The following GRIN2B variants were observed in gnomAD, a reference collection of about 807,000 sequenced individuals.
GRIN2B encodes glutamate receptor ionotropic, NMDA 2B.
GRIN2B carries 5 observed loss-of-function variants against 114.5 expected under a neutral mutation model. The ratio of observed to expected loss-of-function variants is 0.04; its 90% CI spans 0.02 to 0.09. GRIN2B has a LOEUF of 0.09. Among genes scored for constraint, GRIN2B ranks in the 10% least tolerant of loss-of-function variants. The pLI is 1.00. For synonymous variants in GRIN2B, 787 were observed against 745.1 expected, an observed-to-expected ratio of 1.06 and a Z score of -0.92; for missense variants, 1,108 against 1,943.5, an observed-to-expected ratio of 0.57 and a Z score of 8.08.
intron 11 of GRIN2B, among the ~76,000 whole-genome samples, chr12:13,570,660 T>C (rs1401742108): frequency 7.5e-6 from 1 of 134,144 alleles, no homozygotes; most frequent in Non-Finnish European, 1.8e-5. Context: ...TATAAGAACT[T>C]CATTTTATGT....
intron 5 of GRIN2B, among the ~76,000 whole-genome samples, chr12:13,629,372 C>A (rs1949599038): frequency 6.6e-6 from 1 of 152,084 alleles, no homozygotes; most frequent in Non-Finnish European, 1.5e-5. Flanking sequence ...TAGAAAGGAT[C>A]CTACCTTGAC....
At chr12:13,920,934 C>T (rs144107088) in intron 2 of GRIN2B, among the ~76,000 whole-genome samples, 81 of 152,240 alleles carry the variant, frequency 5.3e-4, no homozygotes, top group Admixed American at 1.2e-3. Flanking sequence ...CCCCATGGTT[C>T]TCAAGTTGCA....
At chr12:13,811,831 T>A (rs563252268) in intron 3 of GRIN2B, among the ~76,000 whole-genome samples, 47 of 152,202 alleles carry the variant, frequency 3.1e-4, no homozygotes, top group Non-Finnish European at 5.0e-4. Flanking sequence ...CACGGAGATC[T>A]TCTTTTAACG....
intron 2 of GRIN2B, among the ~76,000 whole-genome samples, chr12:13,967,186 T>A (rs570322131): frequency 6.6e-6 from 1 of 152,298 alleles, no homozygotes; most frequent in Admixed American, 6.5e-5. Flanking sequence ...AATGAGCACA[T>A]CAGAAGAAAG....
At chr12:13,612,997 A>G (rs1565476489) in intron 8 of GRIN2B, among the ~76,000 whole-genome samples, 1 of 152,246 alleles carries the variant, frequency 6.6e-6, no homozygotes, top group South Asian at 2.1e-4. Flanking sequence ...CTACTTTGTT[A>G]TTGAACTCCC....
At chr12:13,926,886 G>A (rs998526515) in intron 2 of GRIN2B, among the ~76,000 whole-genome samples, 2 of 151,578 alleles carry the variant, frequency 1.3e-5, no homozygotes, top group African/African-American at 4.9e-5. Flanking sequence ...CCAGGAGGTG[G>A]AGCTTGCAGT....
intron 2 of GRIN2B, among the ~76,000 whole-genome samples, chr12:13,870,192 G>A (rs1278196621): frequency 1.3e-5 from 2 of 152,130 alleles, no homozygotes; most frequent in African/African-American, 4.8e-5. Context: ...CGGGGTAGCA[G>A]CGACCTCCAC....
chr12:13,767,900 G>T (rs754367988), intron 3 of GRIN2B, among the ~76,000 whole-genome samples: 1 of 152,052 alleles, frequency 6.6e-6, no homozygotes, highest in Non-Finnish European at 1.5e-5. Context: ...TGAAATCTTC[G>T]GTGACGAAGG....
intron 4 of GRIN2B, among the ~76,000 whole-genome samples, chr12:13,749,629 G>A (rs1356107599): frequency 6.6e-6 from 1 of 152,236 alleles, no homozygotes; most frequent in Non-Finnish European, 1.5e-5. Flanking sequence ...TGCTTGGTTT[G>A]TTATTTAAAA....
rs1948490634 is a variant in GRIN2B at position 13,557,554 on chromosome 12, C to A, written c.*5229G>T. On this transcript the variant is annotated 3_prime_UTR_variant, in exon 14 of 14. Transcript: ENST00000609686. ...CTCTTCTATTTTCTATGGAAAGAATCATAGTTCTCAACCTGCCCTACAAGA... is the reference window on the plus strand; with the variant it reads ...CTCTTCTATTTTCTATGGAAAGAATAATAGTTCTCAACCTGCCCTACAAGA... 1 of 152,172 alleles carries A rather than the reference C, an allele frequency of 6.6e-6. No individual in the cohort carries two copies. Among genetic ancestry groups the A allele is most frequent in the South Asian group, 2.1e-4 (1 of 4,826 alleles). The allele number at this position is 152,172 out of a possible 1,614,324, so 9.4% of individuals were successfully genotyped here. A position where few individuals can be genotyped will look rare whatever the true frequency, so the allele number is the denominator to read the frequency against.
chr12:13,610,560 A>C (rs1429286456), intron 9 of GRIN2B, among the ~76,000 whole-genome samples: 1 of 152,144 alleles, frequency 6.6e-6, no homozygotes, highest in African/African-American at 2.4e-5. Flanking sequence ...CCATGGAGAC[A>C]CCCCAACTCC....
intron 3 of GRIN2B, among the ~76,000 whole-genome samples, chr12:13,795,186 T>C (rs1344179684): frequency 6.6e-6 from 1 of 152,168 alleles, no homozygotes; most frequent in Admixed American, 6.5e-5. Flanking sequence ...TCCATCTATA[T>C]TGGGTAGAGA....
intron 3 of GRIN2B, among the ~76,000 whole-genome samples, chr12:13,864,416 T>C (rs1865792281): frequency 6.6e-6 from 1 of 152,208 alleles, no homozygotes. Flanking sequence ...CGAAAGCATG[T>C]CTTTTAAGTA....
At chr12:13,883,900 A>T (rs1309243059) in intron 2 of GRIN2B, among the ~76,000 whole-genome samples, 1 of 152,128 alleles carries the variant, frequency 6.6e-6, no homozygotes, top group African/African-American at 2.4e-5. Context: ...CCTCTAAAAG[A>T]TTTTTAATTT....
rs112323591 is a variant in GRIN2B, at chr12:13,582,912, G to A, written c.2011-10948C>T. Among the ~76,000 whole-genome samples the A allele has an allele frequency of 3.2e-4, 49 of 152,172 alleles. 1 individual carries two copies. In the South Asian group the frequency reaches 4.8e-3, roughly 15 times the overall value. ...ATGCAATAAGGCAGTCACTTCTTTTGTATTTTATAAAATTTGGATACATAA... is the reference window on the plus strand; with the variant it reads ...ATGCAATAAGGCAGTCACTTCTTTTATATTTTATAAAATTTGGATACATAA... On this transcript the variant is annotated intron_variant, in intron 10 of 13. Coordinates refer to ENST00000609686, the MANE Select transcript of GRIN2B (RefSeq NM_000834.5).
intron 3 of GRIN2B, among the ~76,000 whole-genome samples, chr12:13,808,392 T>C (rs1179806727): frequency 6.6e-6 from 1 of 152,042 alleles, no homozygotes; most frequent in Non-Finnish European, 1.5e-5. Flanking sequence ...CACAGAGCAA[T>C]GGAGCAACTC....
In GRIN2B at chr12:13,541,581, T is replaced by G. The variant is rs867475014; in HGVS notation, c.*21202A>C. 5.9e-4 allele frequency: 90 copies of G among 152,124 alleles called. No individual in the cohort carries two copies. Among genetic ancestry groups the G allele is most frequent in the African/African-American group, 1.9e-3 (79 of 41,424 alleles). The allele number at this position is 152,124 out of a possible 1,614,324, so 9.4% of individuals were successfully genotyped here. A position where few individuals can be genotyped will look rare whatever the true frequency, so the allele number is the denominator to read the frequency against. On this transcript the variant is annotated 3_prime_UTR_variant, in exon 14 of 14. Transcript: ENST00000609686. ...GTGCATAAAGTAAGGTATGACTGAGTTGGCTGTGATACCTTAAGAACTCAA... is the reference window on the plus strand; with the variant it reads ...GTGCATAAAGTAAGGTATGACTGAGGTGGCTGTGATACCTTAAGAACTCAA...
At chr12:13,565,992 T>G (rs1332363324) in intron 13 of GRIN2B, among the ~76,000 whole-genome samples, 1 of 152,108 alleles carries the variant, frequency 6.6e-6, no homozygotes, top group African/African-American at 2.4e-5. Flanking sequence ...CATCACCAGC[T>G]CCCATGGCTT....
intron 2 of GRIN2B, among the ~76,000 whole-genome samples, chr12:13,958,039 A>T (rs1225622096): frequency 6.6e-6 from 1 of 152,194 alleles, no homozygotes; most frequent in African/African-American, 2.4e-5. Flanking sequence ...CAGTAAAGTT[A>T]GACAACATTT....
Sources: allele counts gnomAD v4.1 joint callset (sites outside exome capture counted in the v4.1 genomes callset), GRCh38; gene constraint gnomAD v4.1.1; transcripts MANE v1.5; gene names NCBI Gene and HGNC (gene_info 2026-07-23, HGNC 2026-07-21).